Variants in LPAR1 observed in about 807,000 individuals in gnomAD.
LPAR1 encodes LPA receptor 1.
LPAR1 carries 5 observed loss-of-function variants against 23.8 expected under a neutral mutation model. The observed-to-expected ratio is 0.21, with a 90% CI of 0.11 to 0.44. The LOEUF (loss-of-function observed/expected upper bound fraction) is 0.44. Ranked by LOEUF, LPAR1 falls within the 20% of genes least tolerant of loss-of-function variation. The probability of loss-of-function intolerance (pLI) is 0.99; values close to 1 mark genes in which losing one functional copy is unlikely to be tolerated. For synonymous variants in LPAR1, 160 were observed against 164.7 expected (o/e 0.97, Z 0.22); for missense variants, 311 against 482.8 (o/e 0.64, Z 3.33).
intron 2 of LPAR1, among the ~76,000 whole-genome samples, chr9:110,980,418 C>A (rs1304999724): frequency 2.0e-5 from 3 of 151,978 alleles, no homozygotes; most frequent in Non-Finnish European, 2.9e-5. Context: ...TCTTTCCTGG[C>A]AAGCCTCAGA....
intron 2 of LPAR1, among the ~76,000 whole-genome samples, chr9:110,996,142 AAC>A (rs2096997740): frequency 6.6e-6 from 1 of 152,186 alleles, no homozygotes; most frequent in South Asian, 2.1e-4. Flanking sequence ...TGTCCAGAAA[AAC>A]ACAGTGGGAT....
At chr9:111,034,180 T>C (rs932933537) in intron 2 of LPAR1, among the ~76,000 whole-genome samples, 1 of 152,266 alleles carries the variant, frequency 6.6e-6, no homozygotes, top group Non-Finnish European at 1.5e-5. Context: ...AGTGTGCTAC[T>C]TGGCTTCCCT....
chr9:111,008,810 G>A (rs1396154591), intron 2 of LPAR1, among the ~76,000 whole-genome samples: 2 of 152,300 alleles, frequency 1.3e-5, no homozygotes, highest in African/African-American at 2.4e-5. Context: ...TCAACCTGAT[G>A]TGGACATGGG....
At chr9:110,879,286 C>T (rs540325779) in intron 5 of LPAR1, among the ~76,000 whole-genome samples, 8 of 151,862 alleles carry the variant, frequency 5.3e-5, no homozygotes, top group South Asian at 2.1e-4. Context: ...GGCGTGGTGG[C>T]GCACACCTGT....
intron 2 of LPAR1, among the ~76,000 whole-genome samples, chr9:111,025,119 C>A (rs554258813): frequency 7.2e-5 from 11 of 152,316 alleles, no homozygotes; most frequent in African/African-American, 2.6e-4. Context: ...CTTGAAGAAT[C>A]ACCACACTGT....
intron 2 of LPAR1, among the ~76,000 whole-genome samples, chr9:111,014,280 A>G (rs1403791849): frequency 6.6e-6 from 1 of 152,120 alleles, no homozygotes; most frequent in African/African-American, 2.4e-5. Flanking sequence ...ACTATTAATG[A>G]ATGCATTCTA....
rs766366284 is a variant in LPAR1 at position 110,941,818 on chromosome 9, C to A, written c.396G>T (p.Leu132=). ...CCAGTAAGTTGGCCACAGATGCCGT[C>A]AGGCTGGTGTCAATGAGGCCCTGAC... The part of the protein sequence containing the change: ...LLRQGLIDTS[L]TASVANLLAI... Residue 132 remains leucine (L), a synonymous_variant, in exon 5 of 6, where the codon CTG becomes CTT. Transcript: ENST00000683809. The surrounding 1 kb of genome is among the most constrained non-coding windows in gnomAD (Gnocchi z 6.1). 35 of 1,614,070 alleles carry A rather than the reference C, an allele frequency of 2.2e-5. No individual in the cohort carries two copies. The East Asian group carries it at 7.8e-4, about 36-fold the overall frequency.
At chr9:111,009,404 T>C (rs536282749) in intron 2 of LPAR1, among the ~76,000 whole-genome samples, 1 of 152,254 alleles carries the variant, frequency 6.6e-6, no homozygotes, top group East Asian at 1.9e-4. Flanking sequence ...AAACAAATTT[T>C]ATTGAGCATT....
intron 5 of LPAR1, among the ~76,000 whole-genome samples, chr9:110,892,091 C>G (rs970161576): frequency 6.6e-6 from 1 of 152,100 alleles, no homozygotes; most frequent in Non-Finnish European, 1.5e-5. Flanking sequence ...TAGGAAATGC[C>G]CAGAGCAAAA....
chr9:110,884,359 C>T (rs1001039198), intron 5 of LPAR1, among the ~76,000 whole-genome samples: 12 of 152,154 alleles, frequency 7.9e-5, no homozygotes, highest in African/African-American at 2.9e-4. Context: ...TTGTAATATG[C>T]TCTCAGCACT....
intron 2 of LPAR1, among the ~76,000 whole-genome samples, chr9:111,009,747 AGCT>A (rs995453929): frequency 3.4e-4 from 51 of 151,874 alleles, no homozygotes; most frequent in African/African-American, 1.2e-3. Context: ...TACTGTTAAC[AGCT>A]GCTATTTCTA....
chr9:110,895,268 T>C (rs181890275), intron 5 of LPAR1, among the ~76,000 whole-genome samples: 5 of 152,292 alleles, frequency 3.3e-5, no homozygotes, highest in Admixed American at 3.3e-4. Flanking sequence ...CAGGGTGTAC[T>C]GGACGCCCCA....
At position 110,874,574 on chromosome 9, in the gene LPAR1, G is replaced by GACA. The variant is rs2078721833; in HGVS notation, c.*846_*847insTGT. The GACA allele has an allele frequency of 6.6e-6, 1 of 152,504 alleles. No homozygotes were observed. The highest frequency in any genetic ancestry group is 1.5e-5 in the Non-Finnish European group (1 of 68,006). 9.4% of individuals were successfully genotyped at this position (152,504 alleles called of 1,614,324 possible). A position where few individuals can be genotyped will look rare whatever the true frequency, so the allele number is the denominator to read the frequency against. ...ACAAAGACTACGAAAATTTTCCTCT[G>GACA]ATATACTGGTAATTAGAATGTACTT... On this transcript the variant is annotated 3_prime_UTR_variant, in exon 6 of 6. Transcript: ENST00000683809.
intron 5 of LPAR1, among the ~76,000 whole-genome samples, chr9:110,876,068 G>C (rs1238532398): frequency 2.0e-5 from 3 of 152,144 alleles, no homozygotes; most frequent in Non-Finnish European, 4.4e-5. Flanking sequence ...TTTAATAGCA[G>C]TGTTATTTTC....
intron 4 of LPAR1, among the ~76,000 whole-genome samples, chr9:110,961,922 T>C (rs927758833): frequency 3.9e-5 from 6 of 152,194 alleles, no homozygotes; most frequent in Admixed American, 6.5e-5. Context: ...CAGGATAAGA[T>C]TTGGGTGGGA....
chr9:111,028,618 C>CT (rs57371925), intron 2 of LPAR1, among the ~76,000 whole-genome samples: 16,105 of 145,882 alleles, frequency 0.11, 1,817 homozygotes, highest in African/African-American at 0.29. Flanking sequence ...TAGAAAAAGA[C>CT]TTTTTTTTTT....
intron 5 of LPAR1, among the ~76,000 whole-genome samples, chr9:110,892,576 A>T (rs1447022085): frequency 2.0e-5 from 3 of 151,490 alleles, no homozygotes; most frequent in Non-Finnish European, 4.4e-5. Context: ...AGGCAGGAGA[A>T]TCGCTTGATT....
chr9:110,965,524 C>T (rs2096183592), intron 4 of LPAR1, among the ~76,000 whole-genome samples: 1 of 152,128 alleles, frequency 6.6e-6, no homozygotes, highest in South Asian at 2.1e-4. Flanking sequence ...TGAAAAAAAG[C>T]TCATTATTCC....
intron 4 of LPAR1, among the ~76,000 whole-genome samples, chr9:110,964,890 G>A (rs899331365): frequency 1.1e-4 from 12 of 108,494 alleles, no homozygotes; most frequent in Admixed American, 7.0e-4. Context: ...TTGAGACAGA[G>A]TCTCACTGTT....
Sources: gnomAD v4.1 joint callset for allele counts (sites outside exome capture counted in the v4.1 genomes callset) on GRCh38, gnomAD v4.1.1 for gene constraint, Gnocchi (gnomAD v3.1) non-coding constraint, MANE v1.5 for transcripts, NCBI Gene and HGNC (gene_info 2026-07-23, HGNC 2026-07-21) for gene names.